DFFB: variants seen among roughly 807,000 people sequenced by gnomAD.
DFFB encodes the protein DNA fragmentation factor subunit beta, also known as DNA fragmentation factor 40 kDa subunit.
Under a neutral mutation model 32.7 loss-of-function variants are expected in DFFB, and 29 were observed. The observed-to-expected ratio is 0.89, with a 90% CI of 0.66 to 1.21. DFFB has a LOEUF of 1.21. Ranked by LOEUF, DFFB falls within the 50% of genes most tolerant of loss-of-function variation. The pLI, the probability that DFFB is intolerant of heterozygous loss-of-function variation, is 0.00. For synonymous variants in DFFB, 170 were observed against 177.1 expected, an observed-to-expected ratio of 0.96 and a Z score of 0.32; for missense variants, 398 against 440.6, an observed-to-expected ratio of 0.90 and a Z score of 0.87.
chr1:3,884,178 C>T lies in DFFB; in HGVS notation c.*437C>T, dbSNP rs982302126. 1 of 209,620 alleles carries T rather than the reference C, an allele frequency of 4.8e-6. No homozygotes were observed. Among genetic ancestry groups the T allele is most frequent in the Non-Finnish European group, 9.7e-6 (1 of 102,644 alleles). 13.0% of individuals were successfully genotyped at this position (209,620 alleles called of 1,614,324 possible). A position where few individuals can be genotyped will look rare whatever the true frequency, so the allele number is the denominator to read the frequency against. Reference sequence around the variant, plus strand: ...GGATGACAGGTGTGAGCCACTGCGCCCAGCCTGAATCATTTCTTATACCTT... The same window carrying T: ...GGATGACAGGTGTGAGCCACTGCGCTCAGCCTGAATCATTTCTTATACCTT... On this transcript the variant is annotated 3_prime_UTR_variant, in exon 7 of 7. Transcript: ENST00000378209.
intron 1 of DFFB, 151 bp from the exon 2 acceptor site, chr1:3,858,567 T>G: frequency 1.0e-6 from 1 of 954,144 alleles, no homozygotes; most frequent in Non-Finnish European, 1.6e-6. Flanking sequence ...CCCTCATCCT[T>G]GCCTGGGCGT....
intron 6 of DFFB, among the ~76,000 whole-genome samples, chr1:3,878,825 C>T (rs192980080): frequency 2.0e-5 from 3 of 152,274 alleles, no homozygotes; most frequent in Non-Finnish European, 2.9e-5. Context: ...CAGATTCACC[C>T]GTGTCTGTGT....
intron 6 of DFFB, chr1:3,873,076 C>A: frequency 1.0e-6 from 1 of 968,966 alleles, no homozygotes; most frequent in Non-Finnish European, 1.4e-6. Context: ...CTCACTGAAG[C>A]CCTGAACTCC....
At chr1:3,866,079 C>A in intron 3 of DFFB, 79 bp downstream of exon 3, 2 of 1,268,992 alleles carry the variant, frequency 1.6e-6, no homozygotes, top group African/African-American at 3.0e-5. Context: ...TCCAAAAAGC[C>A]CCCAGTGAAG....
At chr1:3,866,338 C>T (rs1273254335) in intron 3 of DFFB, 4 of 375,734 alleles carry the variant, frequency 1.1e-5, no homozygotes, top group Non-Finnish European at 2.1e-5. Context: ...TCCCTGCACC[C>T]TCTGCCTCCC....
In DFFB at chr1:3,865,518, T is replaced by G; in HGVS notation, c.242-294T>G. 3.7e-6 allele frequency: 2 copies of G among 536,632 alleles called. No individual in the cohort carries two copies. The highest frequency in any genetic ancestry group is 6.7e-6 in the Non-Finnish European group (2 of 296,790). The allele number at this position is 536,632 out of a possible 1,614,324, so 33.2% of individuals were successfully genotyped here. A position where few individuals can be genotyped will look rare whatever the true frequency, so the allele number is the denominator to read the frequency against. On this transcript the variant is annotated intron_variant, in intron 2 of 6. Coordinates refer to ENST00000378209, the MANE Select transcript of DFFB (RefSeq NM_004402.4). The surrounding 1 kb of genome is among the most constrained non-coding windows in gnomAD (Gnocchi z 4.7). ...AGGAAGGGCCAAAGTGGGGGGCGTA[T>G]GGTTTGGAGGGGAGGAGGCCAAATG...
chr1:3,865,883 C>G lies in DFFB; in HGVS notation c.313C>G (p.Gln105Glu), dbSNP rs1318961826. The change falls in exon 3 of 7, where the codon CAG (glutamine) becomes GAG (glutamate). Residue 105 changes from glutamine to glutamate, a missense_variant. Coordinates refer to ENST00000378209, the MANE Select transcript of DFFB (RefSeq NM_004402.4). The surrounding 1 kb of genome is among the most constrained non-coding windows in gnomAD (Gnocchi z 4.7). ...GGTGGGGCTCATCCAGGCCGCCCAG[C>G]AGCTGCTGTGTGATGAGCAGGCCCC... ...PQVGLIQAAQ[Q>E]LLCDEQAPQR... is the part of the protein sequence containing the mutation. 81 of 1,613,982 alleles carry G rather than the reference C, an allele frequency of 5.0e-5. No homozygotes were observed. The highest frequency in any genetic ancestry group is 6.8e-5 in the Non-Finnish European group (80 of 1,179,986).
At chr1:3,868,292 CG>C (rs995372261) in intron 4 of DFFB, among the ~76,000 whole-genome samples, 21 of 152,170 alleles carry the variant, frequency 1.4e-4, no homozygotes, top group African/African-American at 5.1e-4. Flanking sequence ...GGTTGGGGAG[CG>C]GGGAGGTGGT....
intron 2 of DFFB, among the ~76,000 whole-genome samples, chr1:3,863,480 C>T (rs548741925): frequency 2.6e-5 from 4 of 152,302 alleles, no homozygotes; most frequent in East Asian, 3.9e-4. Flanking sequence ...TACACAGAAT[C>T]GCCATGTGAC....
intron 4 of DFFB, 32 bp downstream of exon 4, chr1:3,868,085 C>T (rs370493706): frequency 5.8e-5 from 93 of 1,606,996 alleles, no homozygotes; most frequent in South Asian, 1.5e-4. Context: ...GTATGCTGGG[C>T]GGGTTTTTGA....
At chr1:3,866,470 G>C (rs1644983010) in intron 3 of DFFB, 1 of 196,062 alleles carries the variant, frequency 5.1e-6, no homozygotes, top group African/African-American at 2.4e-5. Context: ...TGGCCAGGCT[G>C]GTCTCAAACT....
chr1:3,861,073 G>T (rs1234404180), intron 2 of DFFB, among the ~76,000 whole-genome samples: 2 of 150,918 alleles, frequency 1.3e-5, no homozygotes, highest in African/African-American at 4.9e-5. Context: ...AGAATCGCTT[G>T]AGCCCAGCAG....
chr1:3,880,343 C>G (rs1258288082), intron 6 of DFFB, among the ~76,000 whole-genome samples: 1 of 152,236 alleles, frequency 6.6e-6, no homozygotes. Flanking sequence ...CCCTCTGTGC[C>G]TCTTAACCTT....
rs181371478 is a variant in DFFB at position 3,858,514 on chromosome 1, C to T, written c.115-204C>T. ...CTGATGTATGTTTTTCCTGACTCTT[C>T]GTATTTTAGAACGGCCCGCAGTCAG... is the stretch of plus-strand genomic sequence containing the variant. On this transcript the variant is annotated intron_variant, in intron 1 of 6. Transcript: ENST00000378209. Among the ~76,000 whole-genome samples, 17 of 152,368 alleles carry T rather than the reference C, an allele frequency of 1.1e-4. No homozygotes were observed. In the East Asian group the frequency reaches 2.9e-3, roughly 26 times the overall value.
intron 6 of DFFB, 68 bp from the exon 7 acceptor site, chr1:3,883,439 C>A: frequency 7.0e-7 from 1 of 1,430,216 alleles, no homozygotes; most frequent in Non-Finnish European, 9.8e-7. Flanking sequence ...GACTGCAATA[C>A]ACTGCTATGA....
intron 6 of DFFB, among the ~76,000 whole-genome samples, chr1:3,875,980 T>C (rs1645214472): frequency 6.6e-6 from 1 of 152,168 alleles, no homozygotes; most frequent in South Asian, 2.1e-4. Flanking sequence ...GGTTTTGCCA[T>C]GTTGGCCAGG....
At chr1:3,879,772 T>C (rs1645299708) in intron 6 of DFFB, among the ~76,000 whole-genome samples, 1 of 152,188 alleles carries the variant, frequency 6.6e-6, no homozygotes, top group South Asian at 2.1e-4. Context: ...TTCTGTCCGC[T>C]GAGTACATGC....
chr1:3,863,097 G>A (rs1045321193), intron 2 of DFFB, among the ~76,000 whole-genome samples: 3 of 152,132 alleles, frequency 2.0e-5, no homozygotes, highest in African/African-American at 4.8e-5. Context: ...TGCAGTGAAC[G>A]ACAGCCCACA....
chr1:3,872,181 A>G (rs909585398), intron 5 of DFFB, among the ~76,000 whole-genome samples: 2 of 152,140 alleles, frequency 1.3e-5, no homozygotes, highest in Non-Finnish European at 2.9e-5. Context: ...TTGGGAGGCC[A>G]AGGCGGGCGG....
Sources: allele counts gnomAD v4.1 joint callset (sites outside exome capture counted in the v4.1 genomes callset), GRCh38; gene constraint gnomAD v4.1.1; non-coding constraint Gnocchi (gnomAD v3.1); transcripts MANE v1.5; gene names NCBI Gene and HGNC (gene_info 2026-07-23, HGNC 2026-07-21).